The following DOCK11 variants were observed in gnomAD, a reference collection of about 807,000 sequenced individuals.
The protein encoded by DOCK11 is dedicator of cytokinesis protein 11.
A neutral mutation model predicts 169.1 loss-of-function variants in DOCK11; 70 were observed. The ratio of observed to expected loss-of-function variants is 0.41; its 90% confidence interval spans 0.34 to 0.51. The LOEUF is 0.51. Ranked by LOEUF, DOCK11 falls within the 20% of genes least tolerant of loss-of-function variation. The probability of loss-of-function intolerance (pLI) is 0.10; values close to 1 mark genes in which losing one functional copy is unlikely to be tolerated. For synonymous variants in DOCK11, 529 were observed against 541.3 expected (o/e 0.98, Z 0.32); for missense variants, 1,166 against 1,538.8 (o/e 0.76, Z 4.05).
In DOCK11 at chrX:118,545,326, A is replaced by G. The variant is rs763986360; in HGVS notation, c.396A>G (p.Lys132=). Residue 132 remains lysine (K), a synonymous_variant, in exon 5 of 53, where the codon AAA becomes AAG. Coordinates refer to ENST00000276202, the MANE Select transcript of DOCK11 (RefSeq NM_144658.4). ...FSGDFRMLPC[K]SLRPEKIPNH... ...GACAGTTCTCTTATATTTGCAGTAA[A>G]TCTTTGAGACCAGAAAAGATTCCTA... 83 of 1,189,828 alleles carry G rather than the reference A, an allele frequency of 7.0e-5. No homozygotes were observed. The East Asian group carries it at 2.4e-3, about 35-fold the overall frequency.
intron 20 of DOCK11, among the ~76,000 whole-genome samples, chrX:118,596,641 A>G (rs1476995320): frequency 8.9e-6 from 1 of 112,320 alleles, no homozygotes; most frequent in Admixed American, 9.4e-5. Context: ...AAATACTGAC[A>G]CCACTCAACT....
chrX:118,623,322 G>A (rs187436715), intron 31 of DOCK11, among the ~76,000 whole-genome samples: 1 of 112,698 alleles, frequency 8.9e-6, no homozygotes, highest in African/African-American at 3.2e-5. Flanking sequence ...AGCTCCAAAG[G>A]GCAGAGCTAT....
chrX:118,583,658 C>T (rs943693030), intron 14 of DOCK11, among the ~76,000 whole-genome samples: 1 of 110,947 alleles, frequency 9.0e-6, no homozygotes, highest in Admixed American at 9.6e-5. Flanking sequence ...ATATAGGAAA[C>T]TATACATATA....
Position 118,544,644 on chromosome X carries a change from G to GTTT in DOCK11, c.393-679_393-678insTTT, listed in dbSNP as rs1439441148. ...ATGCAAGAGCCAGAATTACACTGTT[G>GTTT]CTTTTTTTTTTTTTTTTTTTTTTTT... On this transcript the variant is annotated intron_variant, in intron 4 of 52. Coordinates refer to ENST00000276202, the MANE Select transcript of DOCK11 (RefSeq NM_144658.4). Among the ~76,000 whole-genome samples, 15 of 45,743 alleles carry GTTT rather than the reference G, an allele frequency of 3.3e-4. No individual in the cohort carries two copies. The South Asian group carries it at 5.5e-3, about 17-fold the overall frequency. 39.7% of individuals were successfully genotyped at this position (45,743 alleles called of 115,157 possible).
At chrX:118,663,876 T>C (rs2016280993) in intron 45 of DOCK11, among the ~76,000 whole-genome samples, 1 of 109,249 alleles carries the variant, frequency 9.2e-6, no homozygotes, top group African/African-American at 3.3e-5. Flanking sequence ...GGTTTCACCA[T>C]GTTGGCCAGG....
chrX:118,558,296 C>T (rs767009277), intron 6 of DOCK11, among the ~76,000 whole-genome samples: 6 of 110,959 alleles, frequency 5.4e-5, no homozygotes, highest in Admixed American at 3.9e-4. Context: ...TGAATGAGCT[C>T]TTGATCCCTC....
At chrX:118,504,195 T>C (rs1407691732) in intron 1 of DOCK11, among the ~76,000 whole-genome samples, 1 of 110,717 alleles carries the variant, frequency 9.0e-6, no homozygotes, top group Non-Finnish European at 1.9e-5. Context: ...TTTCAAGACT[T>C]TCGTCCTTTC....
intron 1 of DOCK11, among the ~76,000 whole-genome samples, chrX:118,510,204 G>A (rs149493444): frequency 0.017 from 1,891 of 112,156 alleles, 43 homozygotes; most frequent in African/African-American, 0.058. Context: ...GAGGACTGAT[G>A]GAATCCTGGG....
chrX:118,614,350 C>G (rs1270458567), intron 28 of DOCK11, among the ~76,000 whole-genome samples: 1 of 111,094 alleles, frequency 9.0e-6, no homozygotes, highest in Non-Finnish European at 1.9e-5. Context: ...TGAGAGTTGA[C>G]CAAAATGAGG....
At chrX:118,561,342 A>G (rs368189976) in intron 6 of DOCK11, 41 bp from the exon 7 acceptor site, 9 of 1,123,301 alleles carry the variant, frequency 8.0e-6, no homozygotes, top group Middle Eastern at 2.6e-4. Flanking sequence ...AATGCAATGT[A>G]TATGTAACAA....
rs1311438283 is a variant in DOCK11, at chrX:118,639,493, C to G, written c.4060C>G (p.Pro1354Ala). Reference sequence around the variant, plus strand: ...AATAGACCGAAAATCGCAAACCATGCCTGCTCTTCGAAACAGATCAGGAGT... The same window carrying G: ...AATAGACCGAAAATCGCAAACCATGGCTGCTCTTCGAAACAGATCAGGAGT... ...FGIDRKSQTM[P>A]ALRNRSGVMQ... Residue 1354 changes from proline (P) to alanine (A), a missense_variant, in exon 38 of 53, where the codon CCT becomes GCT. Coordinates refer to ENST00000276202, the MANE Select transcript of DOCK11 (RefSeq NM_144658.4). 1 of 1,211,148 alleles carries G rather than the reference C, an allele frequency of 8.3e-7. No homozygotes were observed.
At chrX:118,514,712 C>T (rs1461389945) in intron 1 of DOCK11, among the ~76,000 whole-genome samples, 5 of 112,168 alleles carry the variant, frequency 4.5e-5, no homozygotes, top group Non-Finnish European at 9.4e-5. Flanking sequence ...CACCTACATA[C>T]CTTTGTGCAT....
chrX:118,592,174 C>T (rs898229380), intron 19 of DOCK11, among the ~76,000 whole-genome samples: 1 of 110,637 alleles, frequency 9.0e-6, no homozygotes, highest in Admixed American at 9.7e-5. Flanking sequence ...GGTCAAATGG[C>T]ATTTCTAGCT....
chrX:118,536,918 T>G (rs1010000129), intron 1 of DOCK11, among the ~76,000 whole-genome samples: 2 of 111,366 alleles, frequency 1.8e-5, no homozygotes, highest in Non-Finnish European at 3.8e-5. Flanking sequence ...AGATGCTCTC[T>G]AGAGAAAGCA....
At chrX:118,595,131 T>C (rs967819099) in intron 20 of DOCK11, among the ~76,000 whole-genome samples, 1 of 110,346 alleles carries the variant, frequency 9.1e-6, no homozygotes, top group Admixed American at 9.7e-5. Flanking sequence ...CAGGCAGCAG[T>C]ATAATGGGCA....
intron 45 of DOCK11, among the ~76,000 whole-genome samples, chrX:118,666,138 TC>T (rs1188734747): frequency 9.0e-6 from 1 of 111,437 alleles, no homozygotes; most frequent in African/African-American, 3.3e-5. Flanking sequence ...AGGCCTGTAA[TC>T]CCAGCTATTC....
chrX:118,685,230 G>A (rs2016832336), intron 52 of DOCK11, among the ~76,000 whole-genome samples: 1 of 111,562 alleles, frequency 9.0e-6, no homozygotes, highest in Non-Finnish European at 1.9e-5. Flanking sequence ...ATGCACTTAA[G>A]ACTTTTATCT....
chrX:118,564,470 G>T (rs377378162), intron 7 of DOCK11, among the ~76,000 whole-genome samples: 1 of 111,744 alleles, frequency 8.9e-6, no homozygotes, highest in Non-Finnish European at 1.9e-5. Flanking sequence ...AGAGAAGGTG[G>T]TAAAGTAAAA....
At chrX:118,649,235 C>T in intron 41 of DOCK11, 108 bp downstream of exon 41, 2 of 576,687 alleles carry the variant, frequency 3.5e-6, no homozygotes, top group Non-Finnish European at 5.2e-6. Context: ...GGCCATCTAG[C>T]ACTTGATGTG....
Sources: gnomAD v4.1 joint callset for allele counts (sites outside exome capture counted in the v4.1 genomes callset) on GRCh38, gnomAD v4.1.1 for gene constraint, MANE v1.5 for transcripts, NCBI Gene and HGNC (gene_info 2026-07-23, HGNC 2026-07-21) for gene names.